The following GRIN2B variants were observed in gnomAD, a reference collection of about 807,000 sequenced individuals.
GRIN2B encodes the protein glutamate receptor ionotropic, NMDA 2B.
A neutral mutation model predicts 114.5 loss-of-function variants in GRIN2B; 5 were observed. The ratio of observed to expected loss-of-function variants is 0.04; its 90% confidence interval spans 0.02 to 0.09. GRIN2B has a LOEUF of 0.09. GRIN2B is among the 10% of genes least tolerant of loss of function. GRIN2B has a pLI of 1.00. For missense variants in GRIN2B, 1,108 were observed against 1,943.5 expected, an observed-to-expected ratio of 0.57 and a Z score of 8.08; for synonymous variants, 787 against 745.1, an observed-to-expected ratio of 1.06 and a Z score of -0.92.
At chr12:13,596,160 G>T (rs192298231) in intron 10 of GRIN2B, among the ~76,000 whole-genome samples, 24 of 152,268 alleles carry the variant, frequency 1.6e-4, no homozygotes, top group Admixed American at 1.2e-3. Context: ...GACATCATTA[G>T]AAATCACAGT....
At chr12:13,592,121 T>G (rs1949016106) in intron 10 of GRIN2B, among the ~76,000 whole-genome samples, 2 of 152,154 alleles carry the variant, frequency 1.3e-5, no homozygotes, top group East Asian at 3.8e-4. Flanking sequence ...GCTCAATGAT[T>G]CTAGTGGAGG....
At chr12:13,950,091 T>C (rs1867452778) in intron 2 of GRIN2B, among the ~76,000 whole-genome samples, 1 of 152,156 alleles carries the variant, frequency 6.6e-6, no homozygotes, top group Admixed American at 6.5e-5. Flanking sequence ...GGGGAAGATA[T>C]TGATCAATTT....
At chr12:13,935,978 G>A (rs943146679) in intron 2 of GRIN2B, among the ~76,000 whole-genome samples, 2 of 152,178 alleles carry the variant, frequency 1.3e-5, no homozygotes, top group East Asian at 3.9e-4. Context: ...GAGAGCTAGA[G>A]TCAAAGCATA....
intron 4 of GRIN2B, among the ~76,000 whole-genome samples, chr12:13,686,257 G>A (rs16909348): frequency 0.066 from 9,987 of 152,204 alleles, 349 homozygotes; most frequent in Non-Finnish European, 0.076. Context: ...ATTCTAAAAT[G>A]AGATTGACCC....
chr12:13,610,696 C>T (rs1949356968), intron 9 of GRIN2B, among the ~76,000 whole-genome samples: 1 of 152,216 alleles, frequency 6.6e-6, no homozygotes, highest in South Asian at 2.1e-4. Context: ...TAAAATACTG[C>T]TGCCTGAAAC....
chr12:13,981,935 G>T (rs111988772), upstream of GRIN2B: 11,373 of 153,402 alleles, frequency 0.074, 486 homozygotes, highest in Non-Finnish European at 0.11. Context: ...CCTGACTCCG[G>T]GGGGAGGAGA....
intron 2 of GRIN2B, among the ~76,000 whole-genome samples, chr12:13,960,305 A>G (rs1266032213): frequency 6.6e-6 from 1 of 152,176 alleles, no homozygotes; most frequent in Admixed American, 6.5e-5. Context: ...TCTCAAAACT[A>G]TATTTTTAAT....
chr12:13,604,324 T>C (rs1021765213), intron 10 of GRIN2B, among the ~76,000 whole-genome samples: 2 of 152,234 alleles, frequency 1.3e-5, no homozygotes, highest in Admixed American at 6.5e-5. Flanking sequence ...AAATAGGTTT[T>C]CATGGAAATT....
intron 10 of GRIN2B, among the ~76,000 whole-genome samples, chr12:13,579,510 A>G (rs374558945): frequency 9.2e-5 from 14 of 152,342 alleles, no homozygotes; most frequent in African/African-American, 3.4e-4. Flanking sequence ...TGGGCAAAGT[A>G]TTGGCACAGT....
In GRIN2B at chr12:13,866,050, G is replaced by A; in HGVS notation, c.159C>T (p.Ala53=). Reference sequence around the variant, plus strand: ...GATGGTGGAAATCATCTTTCTCGTGGGCATCCTTGATGGCCACCTCGTCGG... The same window carrying A: ...GATGGTGGAAATCATCTTTCTCGTGAGCATCCTTGATGGCCACCTCGTCGG... ...GTSDEVAIKD[A]HEKDDFHHLS... Residue 53 remains alanine, a synonymous_variant, in exon 3 of 14, where the codon GCC becomes GCT. Transcript: ENST00000609686. 6.2e-7 allele frequency: 1 copy of A among 1,614,080 alleles called. No individual in the cohort carries two copies. Among genetic ancestry groups the A allele is most frequent in the Non-Finnish European group, 8.5e-7 (1 of 1,179,994 alleles).
At chr12:13,586,092 T>C (rs1438842514) in intron 10 of GRIN2B, among the ~76,000 whole-genome samples, 1 of 152,230 alleles carries the variant, frequency 6.6e-6, no homozygotes, top group Non-Finnish European at 1.5e-5. Context: ...TCCAGTTGAC[T>C]AAGGGTTAAG....
chr12:13,979,037 G>A (rs886786837), intron 2 of GRIN2B, among the ~76,000 whole-genome samples: 7 of 152,082 alleles, frequency 4.6e-5, no homozygotes, highest in African/African-American at 7.2e-5. Context: ...AAAGACTCAC[G>A]TGTCGAATTC....
At chr12:13,759,107 A>G (rs1863632081) in intron 3 of GRIN2B, among the ~76,000 whole-genome samples, 1 of 147,082 alleles carries the variant, frequency 6.8e-6, no homozygotes, top group African/African-American at 2.6e-5. Flanking sequence ...TCTCAGGTTC[A>G]AGCAATTCTC....
At chr12:13,850,878 T>G (rs1249820510) in intron 3 of GRIN2B, among the ~76,000 whole-genome samples, 1 of 150,080 alleles carries the variant, frequency 6.7e-6, no homozygotes, top group African/African-American at 2.4e-5. Context: ...GCCAGTTGCT[T>G]TCCTTTCTGA....
At chr12:13,702,202 C>T (rs183931550) in intron 4 of GRIN2B, among the ~76,000 whole-genome samples, 26 of 152,338 alleles carry the variant, frequency 1.7e-4, no homozygotes, top group Admixed American at 3.3e-4. Context: ...ACTACCATCA[C>T]ATCCAGAGTA....
intron 10 of GRIN2B, among the ~76,000 whole-genome samples, chr12:13,597,585 C>A (rs1022355966): frequency 6.6e-6 from 1 of 152,174 alleles, no homozygotes; most frequent in South Asian, 2.1e-4. Context: ...CAAGGGGTAG[C>A]CAATAGGAAC....
intron 2 of GRIN2B, among the ~76,000 whole-genome samples, chr12:13,888,862 G>T (rs1438949377): frequency 6.6e-6 from 1 of 151,756 alleles, no homozygotes; most frequent in Non-Finnish European, 1.5e-5. Flanking sequence ...TGCTCTGAGT[G>T]AGTCAGGGAG....
intron 2 of GRIN2B, among the ~76,000 whole-genome samples, chr12:13,893,153 C>G (rs1591606892): frequency 6.6e-6 from 1 of 152,254 alleles, no homozygotes; most frequent in Non-Finnish European, 1.5e-5. Flanking sequence ...TTTGAACAGC[C>G]TTTGAATTAC....
chr12:13,782,445 T>C (rs1332786179), intron 3 of GRIN2B, among the ~76,000 whole-genome samples: 4 of 152,248 alleles, frequency 2.6e-5, no homozygotes. Context: ...TCTTTGCCAC[T>C]GAGGTTAAGA....
Sources: allele counts gnomAD v4.1 joint callset (sites outside exome capture counted in the v4.1 genomes callset), GRCh38; gene constraint gnomAD v4.1.1; transcripts MANE v1.5; gene names NCBI Gene and HGNC (gene_info 2026-07-23, HGNC 2026-07-21).